Variants in NFAT5 observed in about 807,000 individuals in gnomAD.
The protein encoded by NFAT5 is nuclear factor of activated T cells 5.
In NFAT5, 31 loss-of-function variants were observed where a neutral mutation model predicts 166.5. That is an observed-to-expected ratio of 0.19 (90% CI 0.14 to 0.25). NFAT5 has a LOEUF of 0.25. NFAT5 is among the 10% of genes least tolerant of loss of function. The pLI is 1.00. For missense variants in NFAT5, 1,449 were observed against 1,821.8 expected (o/e 0.80, Z 3.72); for synonymous variants, 612 against 639.7 (o/e 0.96, Z 0.65).
chr16:69,684,086 C>T (rs571568451), intron 10 of NFAT5, among the ~76,000 whole-genome samples: 23 of 151,066 alleles, frequency 1.5e-4, no homozygotes, highest in Admixed American at 1.1e-3. Context: ...GTAACAAGAG[C>T]GAAACTCCGT....
At chr16:69,568,417 A>T in intron 1 of NFAT5, 78 bp from the exon 2 acceptor site, 3 of 850,774 alleles carry the variant, frequency 3.5e-6, no homozygotes, top group Non-Finnish European at 3.7e-6. Context: ...TTGCAGTTAT[A>T]TAAGAGATGT....
rs1284477948 is a variant in NFAT5 at position 69,693,932 on chromosome 16, G to T, written c.4107G>T (p.Leu1369Phe). The T allele has an allele frequency of 5.0e-6, 8 of 1,614,174 alleles. No individual in the cohort carries two copies. Among genetic ancestry groups the T allele is most frequent in the Non-Finnish European group, 6.8e-6 (8 of 1,180,042 alleles). Residue 1369 changes from leucine (L) to phenylalanine (F), a missense_variant, in exon 13 of 15, where the codon TTG becomes TTT. Coordinates refer to ENST00000349945, the MANE Select transcript of NFAT5 (RefSeq NM_138713.4). ...PTQSESSQTP[L>F]FHSSPQIQLV... The stretch of plus-strand genomic sequence containing the variant: ...AGTCGGAATCATCACAGACCCCCTT[G>T]TTCCATAGCTCTCCTCAGATTCAGT...
Position 69,704,499 on chromosome 16 carries a change from T to C in NFAT5, c.*8148T>C, listed in dbSNP as rs1478765796. On this transcript the variant is annotated 3_prime_UTR_variant, in exon 15 of 15. Transcript: ENST00000349945. ...CTGATACCAGATATTTTCAGTTTGT[T>C]CTCTGGGGGAATTTCATTTGCATCT... 6.6e-6 allele frequency: 1 copy of C among 152,668 alleles called. No homozygotes were observed. 9.5% of individuals were successfully genotyped at this position (152,668 alleles called of 1,614,324 possible). A position where few individuals can be genotyped will look rare whatever the true frequency, so the allele number is the denominator to read the frequency against.
chr16:69,634,807 CTATCA>C (rs2034884364), intron 3 of NFAT5, among the ~76,000 whole-genome samples: 1 of 152,060 alleles, frequency 6.6e-6, no homozygotes. Context: ...AATCTAATTG[CTATCA>C]TATCATATCT....
intron 9 of NFAT5, among the ~76,000 whole-genome samples, chr16:69,675,667 T>TA (rs1183667625): frequency 1.3e-5 from 2 of 152,202 alleles, no homozygotes; most frequent in Admixed American, 6.6e-5. Flanking sequence ...GAGACAGAGT[T>TA]ACGCTCTTGT....
At chr16:69,631,756 A>G (rs536163745) in intron 3 of NFAT5, among the ~76,000 whole-genome samples, 25 of 151,856 alleles carry the variant, frequency 1.6e-4, no homozygotes, top group Admixed American at 3.3e-4. Context: ...CTCCCGAGTA[A>G]CTGGGACTAC....
At chr16:69,579,220 T>C (rs1006096855) in intron 2 of NFAT5, among the ~76,000 whole-genome samples, 7 of 152,176 alleles carry the variant, frequency 4.6e-5, no homozygotes, top group African/African-American at 7.2e-5. Flanking sequence ...CATTTTTCTG[T>C]ATTCTTTTTT....
rs544679513 is a variant in NFAT5 at position 69,566,259 on chromosome 16, C to A, written c.-43C>A. ...AGGAGGTGCCGCCGCCACCGCCGCT[C>A]CCCCCCTCCCGCTGCCCTCGGGCCG... is the stretch of plus-strand genomic sequence containing the variant. On this transcript the variant is annotated 5_prime_UTR_variant, in exon 1 of 15. Transcript: ENST00000349945. The surrounding 1 kb of genome is among the most constrained non-coding windows in gnomAD (Gnocchi z 5.7). 1.9e-6 allele frequency: 3 copies of A among 1,559,786 alleles called. No homozygotes were observed. The highest frequency in any genetic ancestry group is 1.9e-5 in the Admixed American group (1 of 53,724).
chr16:69,577,596 T>G (rs1472812039), intron 2 of NFAT5, among the ~76,000 whole-genome samples: 1 of 152,106 alleles, frequency 6.6e-6, no homozygotes, highest in Non-Finnish European at 1.5e-5. Context: ...AAGACAAACC[T>G]ATGGTAAGAA....
chr16:69,653,206 C>T (rs775053252), intron 4 of NFAT5, 30 bp from the exon 5 acceptor site: 4 of 1,437,792 alleles, frequency 2.8e-6, no homozygotes, highest in Non-Finnish European at 2.8e-6. Context: ...CTTTTTGATA[C>T]TTTCTCCATG....
intron 2 of NFAT5, among the ~76,000 whole-genome samples, chr16:69,580,701 G>C (rs1187256348): frequency 3.9e-5 from 6 of 152,064 alleles, no homozygotes; most frequent in Admixed American, 3.3e-4. Flanking sequence ...TGTCACCCAG[G>C]CTGGTGTGCA....
At position 69,702,934 on chromosome 16, in the gene NFAT5, A is replaced by G. The variant is rs1317442356; in HGVS notation, c.*6583A>G. On this transcript the variant is annotated 3_prime_UTR_variant, in exon 15 of 15. Transcript: ENST00000349945. ...AGTTAATTTAGTTTGGCATTTTCCT[A>G]CCACTTACTAAAAGGTTTACATTAA... The G allele has an allele frequency of 6.6e-6, 1 of 152,636 alleles. No individual in the cohort carries two copies. The highest frequency in any genetic ancestry group is 1.5e-5 in the Non-Finnish European group (1 of 68,038). 9.5% of individuals were successfully genotyped at this position (152,636 alleles called of 1,614,324 possible).
At chr16:69,653,529 C>T in intron 5 of NFAT5, 101 bp downstream of exon 5, 1 of 732,938 alleles carries the variant, frequency 1.4e-6, no homozygotes, top group South Asian at 2.9e-5. Context: ...ATTTTCTTCC[C>T]TCATATTTGA....
Position 69,693,768 on chromosome 16 carries a change from C to G in NFAT5, c.3943C>G (p.Pro1315Ala). The stretch of plus-strand genomic sequence containing the variant: ...CATGATATTCAACCCAAATCAAAAT[C>G]CAATGGCTAATCAGGAGCAACAGAA... ...PNMIFNPNQNPMANQEQQNQS... is the reference protein window; with the variant it reads ...PNMIFNPNQNAMANQEQQNQS... The change falls in exon 13 of 15, where the codon CCA becomes GCA. Residue 1315 changes from proline to alanine, a missense_variant. By Grantham distance (27) the Pro-to-Ala change is conservative. Transcript: ENST00000349945. 2 of 1,614,220 alleles carry G rather than the reference C, an allele frequency of 1.2e-6. No homozygotes were observed. The highest frequency in any genetic ancestry group is 1.7e-6 in the Non-Finnish European group (2 of 1,180,034).
intron 3 of NFAT5, among the ~76,000 whole-genome samples, chr16:69,642,090 C>T (rs559264206): frequency 6.6e-6 from 1 of 152,258 alleles, no homozygotes; most frequent in Admixed American, 6.5e-5. Context: ...CAGAGCAAGA[C>T]TGTCTCAACA....
intron 2 of NFAT5, among the ~76,000 whole-genome samples, chr16:69,594,566 C>T (rs578218184): frequency 1.0e-3 from 158 of 152,136 alleles, no homozygotes; most frequent in Non-Finnish European, 1.3e-3. Flanking sequence ...TCTGTATATT[C>T]TGTATTATGA....
rs1207773422 is a variant in NFAT5, at chr16:69,682,448, TC to T, written c.1691-2436del. ...TATAGTGAGACCCCCCCCCCCGCCA[TC>T]CCTACAAAGAAAAAATAATACTAAG... On this transcript the variant is annotated intron_variant, in intron 10 of 14. Transcript: ENST00000349945. 1.3e-4 allele frequency among the ~76,000 whole-genome samples: 19 copies of T among 142,164 alleles called. No individual in the cohort carries two copies. The East Asian group carries it at 4.0e-3, about 30-fold the overall frequency. The allele number at this position is 142,164 out of a possible 152,430, so 93.3% of individuals were successfully genotyped here. A position where few individuals can be genotyped will look rare whatever the true frequency, so the allele number is the denominator to read the frequency against.
chr16:69,695,531 T>C (rs538781545), intron 14 of NFAT5, 152 bp downstream of exon 14: 1 of 635,104 alleles, frequency 1.6e-6, no homozygotes, highest in Admixed American at 2.9e-5. Flanking sequence ...TTCTGAATGA[T>C]AGCTTATGGT....
intron 9 of NFAT5, among the ~76,000 whole-genome samples, chr16:69,673,975 G>A (rs890021430): frequency 6.6e-6 from 1 of 151,992 alleles, no homozygotes; most frequent in African/African-American, 2.4e-5. Flanking sequence ...CAGGCGTGTG[G>A]CTCATGCCTA....
Sources: allele counts gnomAD v4.1 joint callset (sites outside exome capture counted in the v4.1 genomes callset), GRCh38; gene constraint gnomAD v4.1.1; non-coding constraint Gnocchi (gnomAD v3.1); transcripts MANE v1.5; gene names NCBI Gene and HGNC (gene_info 2026-07-23, HGNC 2026-07-21).